The following TMEM131L variants were observed in gnomAD, a reference collection of about 807,000 sequenced individuals.
TMEM131L encodes transmembrane protein 131-like.
A neutral mutation model predicts 192.2 loss-of-function variants in TMEM131L; 54 were observed. The observed-to-expected ratio is 0.28, with a 90% CI of 0.23 to 0.35. TMEM131L has a LOEUF of 0.35. Ranked by LOEUF, TMEM131L falls within the 10% of genes least tolerant of loss-of-function variation. The probability of loss-of-function intolerance (pLI) is 1.00; values close to 1 mark genes in which losing one functional copy is unlikely to be tolerated. For synonymous variants in TMEM131L, 701 were observed against 704.9 expected (o/e 0.99, Z 0.09); for missense variants, 1,888 against 1,972.9 (o/e 0.96, Z 0.82).
intron 2 of TMEM131L, among the ~76,000 whole-genome samples, chr4:153,471,963 A>G (rs1175729666): frequency 2.0e-5 from 3 of 152,230 alleles, no homozygotes; most frequent in African/African-American, 7.2e-5. Flanking sequence ...AGTTTTTGTT[A>G]TCACAGGTAC....
intron 3 of TMEM131L, among the ~76,000 whole-genome samples, chr4:153,514,550 T>G (rs1425023133): frequency 2.0e-5 from 3 of 152,202 alleles, no homozygotes; most frequent in African/African-American, 7.2e-5. Flanking sequence ...CCTCTACAAA[T>G]GGCATCTCAT....
rs139019719 is a variant in TMEM131L at position 153,517,722 on chromosome 4, G to A, written c.240-32351G>A. Among the ~76,000 whole-genome samples the A allele has an allele frequency of 3.5e-4, 53 of 152,284 alleles. 1 individual carries two copies. In the East Asian group the frequency reaches 9.4e-3, roughly 27 times the overall value. ...GTGAAAGAAAGACTCTTGGAAAATGGTTATGATTAATCTTGTGTGCAGTGT... is the reference window on the plus strand; with the variant it reads ...GTGAAAGAAAGACTCTTGGAAAATGATTATGATTAATCTTGTGTGCAGTGT... On this transcript the variant is annotated intron_variant, in intron 3 of 34. Coordinates refer to ENST00000409959, the MANE Select transcript of TMEM131L (RefSeq NM_001131007.2).
intron 3 of TMEM131L, among the ~76,000 whole-genome samples, chr4:153,508,479 T>G (rs986643760): frequency 1.3e-5 from 2 of 152,166 alleles, no homozygotes; most frequent in Non-Finnish European, 2.9e-5. Flanking sequence ...TTCAGAACTT[T>G]AAAAACACAA....
intron 7 of TMEM131L, among the ~76,000 whole-genome samples, chr4:153,559,633 G>T (rs774396258): frequency 6.6e-6 from 1 of 152,094 alleles, no homozygotes; most frequent in East Asian, 1.9e-4. Flanking sequence ...CAGATCCTGC[G>T]TACTTCTCAT....
At chr4:153,489,126 A>C (rs987339073) in intron 3 of TMEM131L, among the ~76,000 whole-genome samples, 1 of 151,994 alleles carries the variant, frequency 6.6e-6, no homozygotes, top group Admixed American at 6.6e-5. Flanking sequence ...TTAACCCATA[A>C]CACATAGTCC....
intron 31 of TMEM131L, among the ~76,000 whole-genome samples, chr4:153,628,692 A>T (rs1234058257): frequency 6.6e-6 from 1 of 152,242 alleles, no homozygotes; most frequent in East Asian, 1.9e-4. Context: ...CAAAGGCAAG[A>T]TGTGGGGGCG....
At chr4:153,545,910 C>T (rs940154990) in intron 3 of TMEM131L, among the ~76,000 whole-genome samples, 1 of 151,756 alleles carries the variant, frequency 6.6e-6, no homozygotes, top group African/African-American at 2.4e-5. Flanking sequence ...CAAAATGGCC[C>T]CTTTTATGTG....
At chr4:153,619,984 C>G (rs899961316) in intron 26 of TMEM131L, among the ~76,000 whole-genome samples, 1 of 152,056 alleles carries the variant, frequency 6.6e-6, no homozygotes, top group East Asian at 1.9e-4. Flanking sequence ...CTACCACCAC[C>G]GCCCACCCAC....
chr4:153,585,050 C>T, intron 12 of TMEM131L, 119 bp downstream of exon 12: 1 of 758,238 alleles, frequency 1.3e-6, no homozygotes, highest in Non-Finnish European at 2.2e-6. Context: ...ACTGGCCTTG[C>T]CTCCCCTTGC....
At chr4:153,567,806 G>A (rs1462847802) in intron 7 of TMEM131L, among the ~76,000 whole-genome samples, 1 of 152,084 alleles carries the variant, frequency 6.6e-6, no homozygotes, top group Non-Finnish European at 1.5e-5. Context: ...GCCTCCCAAA[G>A]TGCTGGGATT....
intron 3 of TMEM131L, among the ~76,000 whole-genome samples, chr4:153,493,164 G>C (rs1465088490): frequency 6.6e-6 from 1 of 151,492 alleles, no homozygotes; most frequent in African/African-American, 2.4e-5. Context: ...GGCTAACATG[G>C]TGAAACCCCA....
At chr4:153,503,761 A>G (rs1733766464) in intron 3 of TMEM131L, among the ~76,000 whole-genome samples, 1 of 152,188 alleles carries the variant, frequency 6.6e-6, no homozygotes, top group Non-Finnish European at 1.5e-5. Flanking sequence ...CAAGAATGTA[A>G]TAAGACACGG....
intron 25 of TMEM131L, among the ~76,000 whole-genome samples, chr4:153,610,871 G>A (rs1474201789): frequency 6.6e-6 from 1 of 152,092 alleles, no homozygotes; most frequent in African/African-American, 2.4e-5. Context: ...GGAAATATTT[G>A]CTCTGCCCTA....
In TMEM131L at chr4:153,556,947, C is replaced by CCTTTCTTTCAGGTAATTCCAGCAA; in HGVS notation, c.433-19_433-18insCTTTCTTTCAGGTAATTCCAGCAA. 1 of 1,242,276 alleles carries CCTTTCTTTCAGGTAATTCCAGCAA rather than the reference C, an allele frequency of 8.0e-7. No homozygotes were observed. The highest frequency in any genetic ancestry group is 1.2e-5 in the South Asian group (1 of 80,126). The allele number at this position is 1,242,276 out of a possible 1,614,324, so 77.0% of individuals were successfully genotyped here. A position where few individuals can be genotyped will look rare whatever the true frequency, so the allele number is the denominator to read the frequency against. Reference sequence around the variant, plus strand: ...AAAGGAGGCCATTCCAAGTGGCTGACTGGGGACCTTTCTTTCAGGTAATTC... The same window carrying CCTTTCTTTCAGGTAATTCCAGCAA: ...AAAGGAGGCCATTCCAAGTGGCTGACCTTTCTTTCAGGTAATTCCAGCAATGGGGACCTTTCTTTCAGGTAATTC... On this transcript the variant is annotated intron_variant, in intron 5 of 34. Coordinates refer to ENST00000409959, the MANE Select transcript of TMEM131L (RefSeq NM_001131007.2).
At position 153,597,839 on chromosome 4, in the gene TMEM131L, A is replaced by G. The variant is rs143734993; in HGVS notation, c.2124-751A>G. ...TCCCAGCTACTTGGGAGGCTGAGGT[A>G]GGAGGATTGCGTGAGCCTGGGAGGT... On this transcript the variant is annotated intron_variant, in intron 20 of 34. Transcript: ENST00000409959. Among the ~76,000 whole-genome samples the G allele has an allele frequency of 7.0e-3, 1,060 of 152,254 alleles. 10 individuals carry two copies. The highest frequency in any genetic ancestry group is 0.023 in the African/African-American group (970 of 41,566).
chr4:153,480,512 C>T lies in TMEM131L; in HGVS notation c.239+6624C>T, dbSNP rs528961300. Among the ~76,000 whole-genome samples, 34 of 102,434 alleles carry T rather than the reference C, an allele frequency of 3.3e-4. 1 individual carries two copies. The South Asian group carries it at 0.012, about 37-fold the overall frequency. The allele number at this position is 102,434 out of a possible 152,430, so 67.2% of individuals were successfully genotyped here. A position where few individuals can be genotyped will look rare whatever the true frequency, so the allele number is the denominator to read the frequency against. ...TCCAGCCTGGGTGACGGCAAGACTC[C>T]ATCTCAAAAAAAAAAAAAAAAAAAA... On this transcript the variant is annotated intron_variant, in intron 3 of 34. Transcript: ENST00000409959.
rs576902099 is a variant in TMEM131L, at chr4:153,556,559, A to AT, written c.433-404dup. On this transcript the variant is annotated intron_variant, in intron 5 of 34. Coordinates refer to ENST00000409959, the MANE Select transcript of TMEM131L (RefSeq NM_001131007.2). ...GATATGTTGTAAGGGGAAGCCCAAT[A>AT]TTTGGTTTATGACAGTCTGTCTGGG... is the stretch of plus-strand genomic sequence containing the variant. Among the ~76,000 whole-genome samples the AT allele has an allele frequency of 1.2e-3, 177 of 152,266 alleles. 1 individual carries two copies. The highest frequency in any genetic ancestry group is 5.0e-3 in the South Asian group (24 of 4,828).
chr4:153,625,102 G>T (rs991062100), intron 29 of TMEM131L, among the ~76,000 whole-genome samples: 4 of 152,212 alleles, frequency 2.6e-5, no homozygotes, highest in African/African-American at 9.6e-5. Flanking sequence ...TTTGCCTGAT[G>T]ATTCCAGTGT....
At chr4:153,471,086 C>A (rs2149718987) in intron 2 of TMEM131L, among the ~76,000 whole-genome samples, 1 of 151,862 alleles carries the variant, frequency 6.6e-6, no homozygotes, top group African/African-American at 2.4e-5. Flanking sequence ...CTCCTGGGTT[C>A]AAGTGCTTCT....
Sources: gnomAD v4.1 joint callset for allele counts (sites outside exome capture counted in the v4.1 genomes callset) on GRCh38, gnomAD v4.1.1 for gene constraint, MANE v1.5 for transcripts, NCBI Gene and HGNC (gene_info 2026-07-23, HGNC 2026-07-21) for gene names.